Variants in ZNF382 observed in about 807,000 individuals in gnomAD.
The protein encoded by ZNF382 is zinc finger protein 382, also known as KRAB/zinc finger suppressor protein 1.
In ZNF382, 20 loss-of-function variants were observed where a neutral mutation model predicts 38.8. The observed-to-expected ratio is 0.51, with a 90% CI of 0.36 to 0.75. The LOEUF (loss-of-function observed/expected upper bound fraction) is 0.75, where lower values mean the gene tolerates loss of function less well. Among genes scored for constraint, ZNF382 ranks in the 30% least tolerant of loss-of-function variants. ZNF382 has a pLI of 0.00. For synonymous variants in ZNF382, 202 were observed against 223.1 expected (o/e 0.91, Z 0.84); for missense variants, 546 against 654.1 (o/e 0.83, Z 1.80).
intron 4 of ZNF382, among the ~76,000 whole-genome samples, chr19:36,622,278 C>G (rs1188214271): frequency 1.3e-5 from 2 of 152,100 alleles, no homozygotes; most frequent in Non-Finnish European, 2.9e-5. Flanking sequence ...ACCTCGGCCT[C>G]CCAAAGTGCT....
rs1434226760 is a variant in ZNF382, at chr19:36,610,071, A to G, written c.139+18A>G. The G allele has an allele frequency of 1.2e-6, 2 of 1,612,484 alleles. No individual in the cohort carries two copies. The highest frequency in any genetic ancestry group is 2.7e-5 in the African/African-American group (2 of 74,840). On this transcript the variant is annotated intron_variant, in intron 3 of 4. Coordinates refer to ENST00000292928, the MANE Select transcript of ZNF382 (RefSeq NM_032825.5). ...ATCTGTGGGTAAGAAACACTCCTGA[A>G]TCTTTCACTGTCATGCATCTCCTTC...
intron 2 of ZNF382, 124 bp from the exon 3 acceptor site, chr19:36,609,778 G>A (rs2037062583): frequency 1.2e-6 from 1 of 822,308 alleles, no homozygotes; most frequent in East Asian, 3.1e-5. Context: ...AAATACAAAT[G>A]GATGTATTTT....
Position 36,626,244 on chromosome 19 carries a change from T to C in ZNF382, c.347T>C (p.Ile116Thr), listed in dbSNP as rs760253473. The C allele has an allele frequency of 2.7e-5, 43 of 1,609,770 alleles. 1 individual carries two copies. The South Asian group carries it at 4.8e-4, about 18-fold the overall frequency. Residue 116 changes from isoleucine to threonine, a missense_variant, in exon 5 of 5, where the codon ATT becomes ACT. Physicochemically the swap from Ile to Thr is moderately conservative, Grantham distance 89. Coordinates refer to ENST00000292928, the MANE Select transcript of ZNF382 (RefSeq NM_032825.5). ...HKKLIKERSN[I>T]YGKTFTLGKN... is the part of the protein sequence containing the mutation. ...AAACTAATTAAGGAGAGAAGTAATATTTATGGTAAAACATTTACTCTAGGC... is the reference window on the plus strand; with the variant it reads ...AAACTAATTAAGGAGAGAAGTAATACTTATGGTAAAACATTTACTCTAGGC...
chr19:36,607,823 A>G, intron 2 of ZNF382: 1 of 544,930 alleles, frequency 1.8e-6, no homozygotes, highest in Non-Finnish European at 3.2e-6. Context: ...GCCCTCCTAA[A>G]TTTTGCATTC....
At chr19:36,621,722 T>C (rs1338602702) in intron 4 of ZNF382, among the ~76,000 whole-genome samples, 2 of 152,296 alleles carry the variant, frequency 1.3e-5, no homozygotes, top group Admixed American at 1.3e-4. Context: ...CAGGAGGATA[T>C]GTGTAGGTCA....
At chr19:36,617,042 A>G (rs1376566278) in intron 4 of ZNF382, among the ~76,000 whole-genome samples, 1 of 152,114 alleles carries the variant, frequency 6.6e-6, no homozygotes, top group African/African-American at 2.4e-5. Flanking sequence ...GAGCCAGTGT[A>G]GAGAATCCTT....
chr19:36,624,782 C>G (rs2037196553), intron 4 of ZNF382, among the ~76,000 whole-genome samples: 1 of 151,894 alleles, frequency 6.6e-6, no homozygotes, highest in South Asian at 2.1e-4. Flanking sequence ...TAACAGCAAT[C>G]AGAATACTAC....
chr19:36,611,077 A>C (rs750585643), intron 4 of ZNF382, among the ~76,000 whole-genome samples: 1 of 152,148 alleles, frequency 6.6e-6, no homozygotes, highest in Non-Finnish European at 1.5e-5. Context: ...TCATGAGGTC[A>C]GGAGATGGAG....
At chr19:36,625,390 T>C (rs2037204163) in intron 4 of ZNF382, among the ~76,000 whole-genome samples, 1 of 151,720 alleles carries the variant, frequency 6.6e-6, no homozygotes, top group South Asian at 2.1e-4. Flanking sequence ...ACACATTTAG[T>C]CGTGAGGGGA....
chr19:36,610,101 A>T lies in ZNF382; in HGVS notation c.139+48A>T, dbSNP rs946761100. 1.9e-6 allele frequency: 3 copies of T among 1,599,012 alleles called. No homozygotes were observed. The Admixed American group carries it at 5.4e-5, about 29-fold the overall frequency. Reference sequence around the variant, plus strand: ...TCACTGTCATGCATCTCCTTCTAAGAATTCCTGAAACATATAGGACTTTGA... The same window carrying T: ...TCACTGTCATGCATCTCCTTCTAAGTATTCCTGAAACATATAGGACTTTGA... On this transcript the variant is annotated intron_variant, in intron 3 of 4. Coordinates refer to ENST00000292928, the MANE Select transcript of ZNF382 (RefSeq NM_032825.5).
chr19:36,627,264 G>T lies in ZNF382; in HGVS notation c.1367G>T (p.Arg456Ile). 1 of 1,610,676 alleles carries T rather than the reference G, an allele frequency of 6.2e-7. No homozygotes were observed. Among genetic ancestry groups the T allele is most frequent in the Non-Finnish European group, 8.5e-7 (1 of 1,179,046 alleles). The change falls in exon 5 of 5, where the codon AGA (arginine) becomes ATA (isoleucine). Residue 456 changes from arginine (R) to isoleucine (I), a missense_variant. Physicochemically the swap from Arg to Ile is moderately conservative, Grantham distance 97. Coordinates refer to ENST00000292928, the MANE Select transcript of ZNF382 (RefSeq NM_032825.5). ...AAGACAACCCTCACTCTCCACCAGA[G>T]AATTCACACGGGGGAAAAACCCTAT... ...CQKTTLTLHQ[R>I]IHTGEKPYIC... is the part of the protein sequence containing the mutation.
chr19:36,611,953 T>G (rs2145315823), intron 4 of ZNF382, among the ~76,000 whole-genome samples: 1 of 152,350 alleles, frequency 6.6e-6, no homozygotes, highest in East Asian at 1.9e-4. Context: ...TTTCGTTGTT[T>G]GCCTGGGTTT....
chr19:36,617,534 C>G (rs1019494733), intron 4 of ZNF382, among the ~76,000 whole-genome samples: 1 of 152,112 alleles, frequency 6.6e-6, no homozygotes, highest in Non-Finnish European at 1.5e-5. Flanking sequence ...CAATCTGTTC[C>G]TATCCAAGCT....
In ZNF382 at chr19:36,626,985, A is replaced by C. The variant is rs1454968707; in HGVS notation, c.1088A>C (p.Gln363Pro). ...ICIDCGKSFRQKATLTRHHKT... is the reference protein window; with the variant it reads ...ICIDCGKSFRPKATLTRHHKT... ...ATCGATTGTGGGAAGTCCTTCCGCC[A>C]GAAGGCCACCCTCACTAGACATCAC... The change falls in exon 5 of 5, where the codon CAG (glutamine) becomes CCG (proline). Residue 363 changes from glutamine to proline, a missense_variant. Physicochemically the swap from Gln to Pro is moderately conservative, Grantham distance 76. Coordinates refer to ENST00000292928, the MANE Select transcript of ZNF382 (RefSeq NM_032825.5). The C allele has an allele frequency of 6.2e-7, 1 of 1,614,120 alleles. No homozygotes were observed. Among genetic ancestry groups the C allele is most frequent in the East Asian group, 2.2e-5 (1 of 44,900 alleles).
chr19:36,621,334 T>G (rs1441004605), intron 4 of ZNF382, among the ~76,000 whole-genome samples: 3 of 150,808 alleles, frequency 2.0e-5, no homozygotes, highest in African/African-American at 2.4e-5. Context: ...GTTTTTTTTT[T>G]TTTTTTTTTT....
chr19:36,619,628 G>A (rs2037152850), intron 4 of ZNF382, among the ~76,000 whole-genome samples: 1 of 152,166 alleles, frequency 6.6e-6, no homozygotes, highest in African/African-American at 2.4e-5. Context: ...AGGTGACAAA[G>A]CGTTTTAAAG....
chr19:36,618,072 T>G (rs1425772366), intron 4 of ZNF382, among the ~76,000 whole-genome samples: 1 of 152,186 alleles, frequency 6.6e-6, no homozygotes, highest in African/African-American at 2.4e-5. Context: ...TGGACCAGGA[T>G]TTTTTGTTCT....
At chr19:36,623,445 A>G (rs953430421) in intron 4 of ZNF382, among the ~76,000 whole-genome samples, 15 of 152,156 alleles carry the variant, frequency 9.9e-5, no homozygotes, top group African/African-American at 3.4e-4. Context: ...GTTCCAGACC[A>G]TAATTATATT....
chr19:36,610,515 T>C, intron 3 of ZNF382, 135 bp from the exon 4 acceptor site: 1 of 574,114 alleles, frequency 1.7e-6, no homozygotes, highest in East Asian at 3.0e-5. Flanking sequence ...TCATCACTTG[T>C]GTAGTGTAAG....
Sources: allele counts gnomAD v4.1 joint callset (sites outside exome capture counted in the v4.1 genomes callset), GRCh38; gene constraint gnomAD v4.1.1; transcripts MANE v1.5; gene names NCBI Gene and HGNC (gene_info 2026-07-23, HGNC 2026-07-21).